The following GRID2 variants were observed in gnomAD, a reference collection of about 807,000 sequenced individuals.
The protein encoded by GRID2 is glutamate receptor ionotropic, delta-2.
GRID2 carries 33 observed loss-of-function variants against 114.8 expected under a neutral mutation model. That is an observed-to-expected ratio of 0.29 (90% CI 0.22 to 0.38). GRID2 has a LOEUF of 0.38. Ranked by LOEUF, GRID2 falls within the 10% of genes least tolerant of loss-of-function variation. The pLI is 1.00. For synonymous variants in GRID2, 505 were observed against 449.9 expected (o/e 1.12, Z -1.55); for missense variants, 1,184 against 1,257.7 (o/e 0.94, Z 0.89).
chr4:92,399,661 CTCTCTATA>C (rs1186694184), intron 1 of GRID2, among the ~76,000 whole-genome samples: 46 of 139,684 alleles, frequency 3.3e-4, no homozygotes, highest in Middle Eastern at 3.9e-3. Flanking sequence ...CTCTCTCTCT[CTCTCTATA>C]TATATATATA....
At chr4:92,648,316 A>G (rs1478827515) in intron 2 of GRID2, among the ~76,000 whole-genome samples, 1 of 149,638 alleles carries the variant, frequency 6.7e-6, no homozygotes, top group Non-Finnish European at 1.5e-5. Context: ...ACTGTAAATC[A>G]CCAAAAGTTT....
At chr4:93,054,075 T>C (rs1244918166) in intron 2 of GRID2, among the ~76,000 whole-genome samples, 2 of 152,000 alleles carry the variant, frequency 1.3e-5, no homozygotes, top group Non-Finnish European at 2.9e-5. Flanking sequence ...CATTTTTTGT[T>C]TGTTTTATGT....
At chr4:92,755,039 A>T (rs940347131) in intron 2 of GRID2, among the ~76,000 whole-genome samples, 2 of 152,114 alleles carry the variant, frequency 1.3e-5, no homozygotes, top group South Asian at 4.1e-4. Context: ...CCCTACAAAG[A>T]GGGAAACATG....
intron 1 of GRID2, among the ~76,000 whole-genome samples, chr4:92,408,431 CTTTTTTT>C (rs35638036): frequency 2.6e-4 from 5 of 19,426 alleles, no homozygotes; most frequent in Non-Finnish European, 3.4e-4. Flanking sequence ...TATTCAAGCT[CTTTTTTT>C]TTTTTTTTTT....
chr4:92,835,815 C>T (rs1473377207), intron 2 of GRID2, among the ~76,000 whole-genome samples: 1 of 152,110 alleles, frequency 6.6e-6, no homozygotes, highest in Non-Finnish European at 1.5e-5. Flanking sequence ...CACTCCCCTC[C>T]ACACTTCGTA....
chr4:93,326,844 T>C (rs566475340), intron 8 of GRID2, among the ~76,000 whole-genome samples: 1 of 152,204 alleles, frequency 6.6e-6, no homozygotes, highest in African/African-American at 2.4e-5. Context: ...AATCCCTTTA[T>C]GTTTCATCAG....
At chr4:92,451,344 A>G (rs1324951542) in intron 1 of GRID2, among the ~76,000 whole-genome samples, 1 of 152,190 alleles carries the variant, frequency 6.6e-6, no homozygotes, top group Non-Finnish European at 1.5e-5. Flanking sequence ...ATCACGCTCA[A>G]TTTAGAAAGG....
chr4:92,703,489 C>T (rs1734783579), intron 2 of GRID2, among the ~76,000 whole-genome samples: 1 of 151,848 alleles, frequency 6.6e-6, no homozygotes, highest in African/African-American at 2.4e-5. Context: ...CTTGTGACCT[C>T]CTAGAAGAGA....
chr4:93,212,507 C>T (rs1484813037), intron 5 of GRID2, among the ~76,000 whole-genome samples: 2 of 152,106 alleles, frequency 1.3e-5, no homozygotes, highest in Non-Finnish European at 2.9e-5. Context: ...GTCATCCCTT[C>T]AGGGCCCTGA....
intron 8 of GRID2, among the ~76,000 whole-genome samples, chr4:93,361,764 G>A (rs1761901529): frequency 6.6e-6 from 1 of 152,096 alleles, no homozygotes; most frequent in South Asian, 2.1e-4. Context: ...TGTAAGGACA[G>A]CAGAGACTGA....
At chr4:93,343,142 C>CTGTGTGTGTGTGTG (rs150132437) in intron 8 of GRID2, among the ~76,000 whole-genome samples, 4 of 40,190 alleles carry the variant, frequency 1.0e-4, no homozygotes, top group African/African-American at 1.9e-4. Context: ...TGTGAGGTGA[C>CTGTGTGTGTGTGTG]TGTGTGTGTG....
rs547991247 is a variant in GRID2, at chr4:93,412,639, G to T, written c.1348-10132G>T. Among the ~76,000 whole-genome samples the T allele has an allele frequency of 2.6e-5, 4 of 152,168 alleles. No individual in the cohort carries two copies. The South Asian group carries it at 6.2e-4, about 24-fold the overall frequency. ...ATACATGTGTAGAATGCGCAGGTTT[G>T]TTACATAGGTATACATGTGCCATGT... On this transcript the variant is annotated intron_variant, in intron 9 of 15. Transcript: ENST00000282020.
chr4:93,393,869 A>G (rs1182137747), intron 8 of GRID2, among the ~76,000 whole-genome samples: 1 of 151,980 alleles, frequency 6.6e-6, no homozygotes, highest in Admixed American at 6.6e-5. Context: ...GGGGGACAGA[A>G]AAGAAATTCC....
At chr4:93,452,834 G>T (rs989571393) in intron 10 of GRID2, among the ~76,000 whole-genome samples, 34 of 151,516 alleles carry the variant, frequency 2.2e-4, no homozygotes, top group African/African-American at 8.0e-4. Context: ...TGGTTATGTT[G>T]TTTATTGATA....
intron 12 of GRID2, among the ~76,000 whole-genome samples, chr4:93,498,616 A>G (rs1727793623): frequency 1.3e-5 from 2 of 151,704 alleles, no homozygotes; most frequent in East Asian, 1.9e-4. Context: ...ATCCTTTCGG[A>G]TTTCCTAGGT....
chr4:92,478,138 A>C (rs1722406902), intron 1 of GRID2, among the ~76,000 whole-genome samples: 1 of 151,746 alleles, frequency 6.6e-6, no homozygotes, highest in Non-Finnish European at 1.5e-5. Context: ...CATATCTTTG[A>C]TTTTCTTTAC....
At chr4:92,709,299 G>C (rs1579888574) in intron 2 of GRID2, among the ~76,000 whole-genome samples, 1 of 151,926 alleles carries the variant, frequency 6.6e-6, no homozygotes, top group Admixed American at 6.6e-5. Flanking sequence ...GGTTGAAAAA[G>C]TCATCTATTT....
intron 2 of GRID2, among the ~76,000 whole-genome samples, chr4:92,905,742 G>A (rs889086371): frequency 6.6e-6 from 1 of 152,024 alleles, no homozygotes; most frequent in African/African-American, 2.4e-5. Flanking sequence ...TCTTAAATTT[G>A]ATTTGATTGT....
At chr4:93,028,880 C>A (rs540433667) in intron 2 of GRID2, among the ~76,000 whole-genome samples, 164 of 152,080 alleles carry the variant, frequency 1.1e-3, no homozygotes, top group African/African-American at 3.8e-3. Context: ...GTGTGACTTA[C>A]AATTTCTGAA....
Sources: allele counts gnomAD v4.1 joint callset (sites outside exome capture counted in the v4.1 genomes callset), GRCh38; gene constraint gnomAD v4.1.1; transcripts MANE v1.5; gene names NCBI Gene and HGNC (gene_info 2026-07-23, HGNC 2026-07-21).